NCOR2: variants seen among roughly 807,000 people sequenced by gnomAD.
The protein encoded by NCOR2 is nuclear receptor corepressor 2.
In NCOR2, 81 loss-of-function variants were observed where a neutral mutation model predicts 262.9. The ratio of observed to expected loss-of-function variants is 0.31; its 90% CI spans 0.26 to 0.37. The LOEUF is 0.37. Ranked by LOEUF, NCOR2 falls within the 10% of genes least tolerant of loss-of-function variation. The pLI is 1.00. For missense variants in NCOR2, 3,385 were observed against 3,621.4 expected, an observed-to-expected ratio of 0.93 and a Z score of 1.68; for synonymous variants, 1,659 against 1,559.3, an observed-to-expected ratio of 1.06 and a Z score of -1.51.
chr12:124,455,290 G>A (rs957481866), intron 6 of NCOR2, among the ~76,000 whole-genome samples: 8 of 152,230 alleles, frequency 5.3e-5, no homozygotes, highest in Admixed American at 5.2e-4. Flanking sequence ...AGCAGCAGCT[G>A]CTGCTGCTGA....
chr12:124,434,799 T>A (rs1174880135), intron 8 of NCOR2, among the ~76,000 whole-genome samples: 1 of 152,152 alleles, frequency 6.6e-6, no homozygotes. Flanking sequence ...CCTCTGCACC[T>A]ATTTTCCAAT....
intron 41 of NCOR2, 161 bp downstream of exon 43, chr12:124,334,263 C>T: frequency 3.7e-6 from 2 of 545,986 alleles, no homozygotes; most frequent in East Asian, 3.5e-5. Flanking sequence ...TATGTATCCG[C>T]TCTGTGACTC....
intron 18 of NCOR2, among the ~76,000 whole-genome samples, chr12:124,375,026 G>A (rs369003671): frequency 2.0e-5 from 3 of 151,920 alleles, no homozygotes; most frequent in East Asian, 3.9e-4. Context: ...CAGGCTCCGT[G>A]CCGAGTTCTT....
rs1395911704 is a variant in NCOR2, at chr12:124,385,943, C to G, written c.1877-56G>C. ...GGCCAGGCCCGGCACGCAGAGGGGG[C>G]CTGCATCCATGGCCTGGGCGGCAAA... On this transcript the variant is annotated intron_variant, in intron 16 of 46. Transcript: ENST00000405201. The G allele has an allele frequency of 3.2e-6, 5 of 1,578,766 alleles. 1 individual carries two copies. Among genetic ancestry groups the G allele is most frequent in the Middle Eastern group, 1.7e-4 (1 of 5,906 alleles).
intron 11 of NCOR2, 114 bp from the exon 14 acceptor site, chr12:124,422,669 C>G: frequency 7.8e-7 from 1 of 1,288,030 alleles, no homozygotes; most frequent in Non-Finnish European, 1.1e-6. Context: ...GCGGGCACCG[C>G]CCCACTTGGA....
At chr12:124,350,776 C>A in intron 27 of NCOR2, 39 bp from the exon 30 acceptor site, 2 of 1,579,110 alleles carry the variant, frequency 1.3e-6, no homozygotes, top group Non-Finnish European at 1.7e-6. Flanking sequence ...GAGGCTGCAG[C>A]CCAGGACCCC....
chr12:124,564,668 T>C (rs1342595103), intron 1 of NCOR2, among the ~76,000 whole-genome samples: 1 of 151,460 alleles, frequency 6.6e-6, no homozygotes, highest in Non-Finnish European at 1.5e-5. Context: ...AGGAGAACCC[T>C]CCGGCTGGGT....
chr12:124,459,079 G>C (rs566903998), intron 5 of NCOR2, among the ~76,000 whole-genome samples: 3 of 152,190 alleles, frequency 2.0e-5, no homozygotes, highest in Non-Finnish European at 4.4e-5. Context: ...TGCTCAGGCA[G>C]ATAAAGGTAT....
At chr12:124,421,015 T>G (rs1008928597) in intron 12 of NCOR2, among the ~76,000 whole-genome samples, 1 of 152,236 alleles carries the variant, frequency 6.6e-6, no homozygotes, top group African/African-American at 2.4e-5. Context: ...ATGCCAATAT[T>G]TGCAATTCAG....
chr12:124,333,720 T>C (rs1354640674), intron 41 of NCOR2, among the ~76,000 whole-genome samples: 1 of 151,806 alleles, frequency 6.6e-6, no homozygotes, highest in Non-Finnish European at 1.5e-5. Context: ...TCCCCTCTCT[T>C]TCTCTTTTGA....
intron 5 of NCOR2, among the ~76,000 whole-genome samples, chr12:124,465,586 G>A (rs1219166108): frequency 1.3e-5 from 2 of 152,134 alleles, no homozygotes; most frequent in East Asian, 3.9e-4. Flanking sequence ...CCCTTCCAGG[G>A]CCCAGTGTCA....
chr12:124,370,685 G>A (rs528304589), intron 20 of NCOR2, among the ~76,000 whole-genome samples: 1 of 152,348 alleles, frequency 6.6e-6, no homozygotes, highest in Admixed American at 6.5e-5. Context: ...TTCTGGGCTG[G>A]AGGCCTTGAG....
At position 124,363,746 on chromosome 12, in the gene NCOR2, T is replaced by C. The variant is rs1336715536; in HGVS notation, c.2861A>G (p.Asn954Ser). 1.0e-5 allele frequency: 14 copies of C among 1,397,150 alleles called. No homozygotes were observed. The highest frequency in any genetic ancestry group is 2.7e-5 in the East Asian group (1 of 36,458). The allele number at this position is 1,397,150 out of a possible 1,614,324, so 86.5% of individuals were successfully genotyped here. A position where few individuals can be genotyped will look rare whatever the true frequency, so the allele number is the denominator to read the frequency against. ...GTCCAGTGGCTTCTGGGGTGAGGCA[T>C]TGGCCCGGGGGTCGCCAGTCGGGGT... The change falls in exon 21 of 47, where the codon AAT becomes AGT. Residue 954 changes from asparagine (N) to serine (S), a missense_variant. Asn to Ser is a conservative substitution (Grantham distance 46, BLOSUM62 1). Around this residue, in one of 5 missense-constraint regions of NCOR2, gnomAD observed 1,615 missense variants for 1,626.9 expected, o/e 0.99. Transcript: ENST00000405201.
intron 13 of NCOR2, among the ~76,000 whole-genome samples, chr12:124,417,203 C>T (rs930614627): frequency 3.3e-4 from 49 of 148,998 alleles, no homozygotes; most frequent in African/African-American, 9.1e-4. Context: ...ACTCACTCCA[C>T]GGACAGCAGG....
At chr12:124,393,559 C>T (rs60861600) in intron 16 of NCOR2, among the ~76,000 whole-genome samples, 32,771 of 152,242 alleles carry the variant, frequency 0.22, 4,050 homozygotes, top group Non-Finnish European at 0.25. Context: ...GGCCACACTG[C>T]CCCTGCCATG....
chr12:124,374,368 C>A (rs1489962237), intron 19 of NCOR2, 45 bp downstream of exon 21: 2 of 1,598,388 alleles, frequency 1.3e-6, no homozygotes, highest in Non-Finnish European at 1.7e-6. Flanking sequence ...GGGATGCCCG[C>A]CCCGGCCCGG....
intron 37 of NCOR2, among the ~76,000 whole-genome samples, chr12:124,338,606 T>A (rs567583885): frequency 6.6e-6 from 1 of 151,532 alleles, no homozygotes; most frequent in South Asian, 2.1e-4. Context: ...GGAGTGTGTG[T>A]CACCAGAGGG....
intron 1 of NCOR2, among the ~76,000 whole-genome samples, chr12:124,544,080 G>A (rs2051466269): frequency 6.6e-6 from 1 of 152,170 alleles, no homozygotes; most frequent in African/African-American, 2.4e-5. Flanking sequence ...CGCCGCCTCT[G>A]CCCGGCACCC....
At chr12:124,376,035 G>A (rs902884877) in intron 18 of NCOR2, among the ~76,000 whole-genome samples, 5 of 152,162 alleles carry the variant, frequency 3.3e-5, no homozygotes, top group Admixed American at 6.5e-5. Flanking sequence ...GGCAGACCCC[G>A]AGCCTACCGG....
Sources: gnomAD v4.1 joint callset for allele counts (sites outside exome capture counted in the v4.1 genomes callset) on GRCh38, gnomAD v4.1.1 for gene constraint, gnomAD v4.1.1 regional missense constraint, MANE v1.5 for transcripts, NCBI Gene and HGNC (gene_info 2026-07-23, HGNC 2026-07-21) for gene names.